Variants in CDYL observed in about 807,000 individuals in gnomAD.
CDYL encodes the protein chromodomain Y like.
Under a neutral mutation model 47.3 loss-of-function variants are expected in CDYL, and 8 were observed. The ratio of observed to expected loss-of-function variants is 0.17; its 90% confidence interval spans 0.10 to 0.31. The LOEUF (loss-of-function observed/expected upper bound fraction) is 0.31. CDYL is among the 10% of genes least tolerant of loss of function. CDYL has a pLI of 1.00. For synonymous variants in CDYL, 266 were observed against 265.0 expected, an observed-to-expected ratio of 1.00 and a Z score of -0.04; for missense variants, 471 against 701.4, an observed-to-expected ratio of 0.67 and a Z score of 3.71.
intron 2 of CDYL, among the ~76,000 whole-genome samples, chr6:4,898,409 C>G (rs1434464062): frequency 2.0e-5 from 3 of 152,176 alleles, no homozygotes; most frequent in Admixed American, 6.5e-5. Context: ...TGAAACCCCA[C>G]AAATGATTGA....
chr6:4,759,879 CAAAAAAAAAAA>C (rs869207879), intron 3 of CDYL, among the ~76,000 whole-genome samples: 3 of 25,060 alleles, frequency 1.2e-4, no homozygotes, highest in Non-Finnish European at 2.3e-4. Context: ...AACTCCATCT[CAAAAAAAAAAA>C]AAAAAAAAAA....
intron 2 of CDYL, among the ~76,000 whole-genome samples, chr6:4,900,780 T>TGTGTATAC (rs1491383415): frequency 7.6e-4 from 13 of 17,202 alleles, no homozygotes; most frequent in African/African-American, 3.1e-3. Context: ...TATACGTGTG[T>TGTGTATAC]ATATATATAT....
At chr6:4,778,990 T>C (rs1327335558) in intron 1 of CDYL, among the ~76,000 whole-genome samples, 2 of 152,226 alleles carry the variant, frequency 1.3e-5, no homozygotes, top group Admixed American at 6.5e-5. Context: ...GAAGTTTACA[T>C]GAGAACATAT....
At chr6:4,760,372 C>CA (rs35627666) in intron 3 of CDYL, among the ~76,000 whole-genome samples, 16,405 of 103,442 alleles carry the variant, frequency 0.16, 1,169 homozygotes, top group African/African-American at 0.26. Flanking sequence ...CACAGCAATA[C>CA]AAAAAAAAAA....
At chr6:4,837,758 C>T (rs1760365612) in intron 1 of CDYL, among the ~76,000 whole-genome samples, 1 of 149,450 alleles carries the variant, frequency 6.7e-6, no homozygotes, top group Non-Finnish European at 1.5e-5. Context: ...AGCCACCGCG[C>T]CCGGCCTCTT....
chr6:4,750,913 C>T (rs1757977841), intron 3 of CDYL, among the ~76,000 whole-genome samples: 1 of 149,846 alleles, frequency 6.7e-6, no homozygotes, highest in Non-Finnish European at 1.5e-5. Context: ...AGTGCAGTGG[C>T]ACGATCTCGG....
At chr6:4,725,385 C>T (rs937645603) in intron 2 of CDYL, among the ~76,000 whole-genome samples, 4 of 152,206 alleles carry the variant, frequency 2.6e-5, no homozygotes, top group Admixed American at 6.5e-5. Flanking sequence ...CAGGGGGCGG[C>T]GCTCGTGGGG....
At chr6:4,804,528 C>T (rs545183397) in intron 1 of CDYL, among the ~76,000 whole-genome samples, 1 of 152,288 alleles carries the variant, frequency 6.6e-6, no homozygotes, top group African/African-American at 2.4e-5. Flanking sequence ...TCTCTGATGC[C>T]CAGGGCCCTG....
At chr6:4,798,519 T>A (rs1376043292) in intron 1 of CDYL, among the ~76,000 whole-genome samples, 2 of 152,218 alleles carry the variant, frequency 1.3e-5, no homozygotes, top group East Asian at 3.8e-4. Context: ...TTACAGTGGG[T>A]CTAAGAGTAG....
intron 2 of CDYL, among the ~76,000 whole-genome samples, chr6:4,720,764 G>A (rs567285158): frequency 2.0e-5 from 3 of 152,210 alleles, no homozygotes; most frequent in Non-Finnish European, 4.4e-5. Flanking sequence ...GGAGTGATCA[G>A]TCAAAAGCTC....
At chr6:4,857,161 A>G (rs1347634227) in intron 1 of CDYL, among the ~76,000 whole-genome samples, 1 of 152,182 alleles carries the variant, frequency 6.6e-6, no homozygotes, top group Non-Finnish European at 1.5e-5. Context: ...AATATACGTG[A>G]CAAAGTTTGC....
intron 1 of CDYL, among the ~76,000 whole-genome samples, chr6:4,836,930 G>T (rs1240276253): frequency 6.6e-6 from 1 of 152,224 alleles, no homozygotes; most frequent in African/African-American, 2.4e-5. Context: ...CTGGAATGGA[G>T]TGATGGGTGT....
At chr6:4,790,875 A>G (rs1758898272) in intron 1 of CDYL, among the ~76,000 whole-genome samples, 1 of 152,248 alleles carries the variant, frequency 6.6e-6, no homozygotes, top group East Asian at 1.9e-4. Flanking sequence ...ATGAAGCACA[A>G]AAGATTGATA....
At chr6:4,876,952 G>A (rs1458636767) in intron 1 of CDYL, among the ~76,000 whole-genome samples, 3 of 152,172 alleles carry the variant, frequency 2.0e-5, no homozygotes, top group Admixed American at 6.5e-5. Flanking sequence ...CGCCACCATG[G>A]GATCTGTGCC....
At chr6:4,747,802 A>C (rs1443181847) in intron 3 of CDYL, among the ~76,000 whole-genome samples, 3 of 152,244 alleles carry the variant, frequency 2.0e-5, no homozygotes, top group Non-Finnish European at 4.4e-5. Context: ...TACCCCAGGG[A>C]AGCTTTCCCA....
At chr6:4,810,517 A>G (rs951219400) in intron 1 of CDYL, among the ~76,000 whole-genome samples, 1 of 152,220 alleles carries the variant, frequency 6.6e-6, no homozygotes, top group Non-Finnish European at 1.5e-5. Flanking sequence ...AATATATTTC[A>G]TGAATCCATT....
chr6:4,830,503 C>T (rs890334714), intron 1 of CDYL, among the ~76,000 whole-genome samples: 1 of 152,158 alleles, frequency 6.6e-6, no homozygotes, highest in African/African-American at 2.4e-5. Flanking sequence ...AGTTTGTGTT[C>T]TGAAGCTTTT....
chr6:4,783,686 G>A (rs60267416), intron 1 of CDYL, among the ~76,000 whole-genome samples: 9,049 of 152,168 alleles, frequency 0.059, 700 homozygotes, highest in African/African-American at 0.18. Context: ...CAGAGTGCTT[G>A]GATTACAGGT....
intron 1 of CDYL, among the ~76,000 whole-genome samples, chr6:4,811,608 C>CTTTTTTT (rs397975784): frequency 3.9e-5 from 5 of 126,726 alleles, no homozygotes; most frequent in African/African-American, 1.5e-4. Context: ...TGACATTATT[C>CTTTTTTT]TTTTTTTTTT....
Sources: gnomAD v4.1 joint callset for allele counts (sites outside exome capture counted in the v4.1 genomes callset) on GRCh38, gnomAD v4.1.1 for gene constraint, MANE v1.5 for transcripts, NCBI Gene and HGNC (gene_info 2026-07-23, HGNC 2026-07-21) for gene names.